Variants in PTK2 observed in about 807,000 individuals in gnomAD.
The protein encoded by PTK2 is protein tyrosine kinase 2, also known as focal adhesion kinase 1.
PTK2 carries 45 observed loss-of-function variants against 150.1 expected under a neutral mutation model. The ratio of observed to expected loss-of-function variants is 0.30; its 90% CI spans 0.24 to 0.38. The LOEUF is 0.38. Ranked by LOEUF, PTK2 falls within the 10% of genes least tolerant of loss-of-function variation. The probability of loss-of-function intolerance (pLI) is 1.00; values close to 1 mark genes in which losing one functional copy is unlikely to be tolerated. For synonymous variants in PTK2, 432 were observed against 449.2 expected (o/e 0.96, Z 0.48); for missense variants, 919 against 1,307.3 (o/e 0.70, Z 4.58).
chr8:140,771,954 ATTTTT>A (rs61154851), intron 14 of PTK2, among the ~76,000 whole-genome samples: 2 of 145,382 alleles, frequency 1.4e-5, no homozygotes, highest in African/African-American at 5.0e-5. Context: ...TAATTTTTGT[ATTTTT>A]TTTTTTTTTA....
At chr8:140,985,660 G>A (rs565386948) in intron 1 of PTK2, among the ~76,000 whole-genome samples, 7 of 151,984 alleles carry the variant, frequency 4.6e-5, no homozygotes, top group African/African-American at 9.7e-5. Flanking sequence ...TGACACCCCC[G>A]CCAGAACCCC....
intron 16 of PTK2, among the ~76,000 whole-genome samples, chr8:140,759,441 G>A (rs1231338325): frequency 4.0e-5 from 6 of 149,396 alleles, no homozygotes; most frequent in Non-Finnish European, 8.9e-5. Context: ...GGCTGAGGTG[G>A]GAGGACCACT....
intron 10 of PTK2, among the ~76,000 whole-genome samples, chr8:140,808,491 A>G (rs1012279776): frequency 1.3e-5 from 2 of 152,150 alleles, no homozygotes; most frequent in Non-Finnish European, 2.9e-5. Context: ...GAAAACATAT[A>G]TTTTCAAGGA....
chr8:140,876,971 C>T (rs2100145899), intron 4 of PTK2, among the ~76,000 whole-genome samples: 4 of 149,926 alleles, frequency 2.7e-5, no homozygotes, highest in African/African-American at 9.8e-5. Flanking sequence ...GTTTATCTGT[C>T]ACATTTTCTT....
chr8:140,983,279 C>A (rs564003879), intron 1 of PTK2, among the ~76,000 whole-genome samples: 4 of 146,706 alleles, frequency 2.7e-5, no homozygotes, highest in Non-Finnish European at 6.0e-5. Context: ...CCCAGCTACT[C>A]GGAAGGCTGA....
intron 2 of PTK2, chr8:140,909,631 G>A (rs1221635060): frequency 1.3e-5 from 2 of 152,152 alleles, no homozygotes; most frequent in Non-Finnish European, 2.9e-5. Flanking sequence ...CCTGTAAAGT[G>A]GGAGTTGAAA....
chr8:140,845,012 G>A (rs1167141984), intron 7 of PTK2, among the ~76,000 whole-genome samples: 4 of 152,128 alleles, frequency 2.6e-5, no homozygotes, highest in South Asian at 4.1e-4. Flanking sequence ...AATGTAATCA[G>A]CCTCCAGTCA....
At chr8:140,996,738 GAA>G (rs2100197920) in intron 1 of PTK2, among the ~76,000 whole-genome samples, 1 of 152,216 alleles carries the variant, frequency 6.6e-6, no homozygotes, top group South Asian at 2.1e-4. Context: ...CTACTGCTCA[GAA>G]AAAGATTCCT....
chr8:140,815,884 A>T (rs1315566659), intron 10 of PTK2, among the ~76,000 whole-genome samples: 2 of 152,146 alleles, frequency 1.3e-5, no homozygotes, highest in Non-Finnish European at 2.9e-5. Flanking sequence ...AATATTAAAG[A>T]CATGTTATTA....
intron 1 of PTK2, among the ~76,000 whole-genome samples, chr8:140,975,068 A>T (rs2100188783): frequency 3.3e-5 from 5 of 152,184 alleles, no homozygotes; most frequent in Admixed American, 3.3e-4. Flanking sequence ...TAAGTCCTTC[A>T]TTTATATGTA....
intron 26 of PTK2, among the ~76,000 whole-genome samples, chr8:140,699,345 G>A (rs1233672190): frequency 2.0e-5 from 3 of 152,106 alleles, no homozygotes; most frequent in African/African-American, 4.8e-5. Context: ...AGTGGGGAAT[G>A]GGTTCTCACA....
exon 9 of PTK2, chr8:140,818,991 T>C (rs2100106513): frequency 6.2e-7 from 1 of 1,613,306 alleles, no homozygotes; most frequent in Non-Finnish European, 8.5e-7. Flanking sequence ...GTCTAAATGT[T>C]TGTTGGATCA....
chr8:140,751,510 T>G (rs984332468), intron 17 of PTK2, among the ~76,000 whole-genome samples: 1 of 151,696 alleles, frequency 6.6e-6, no homozygotes, highest in Non-Finnish European at 1.5e-5. Flanking sequence ...TTTTTTTTTT[T>G]GAGGCAGAGA....
intron 1 of PTK2, among the ~76,000 whole-genome samples, chr8:140,954,036 C>T (rs868365263): frequency 1.3e-5 from 2 of 151,478 alleles, no homozygotes; most frequent in Non-Finnish European, 2.9e-5. Flanking sequence ...GGCACGATCT[C>T]GGCTCACTGT....
At chr8:140,926,468 G>A (rs2100169506) in intron 1 of PTK2, among the ~76,000 whole-genome samples, 1 of 152,120 alleles carries the variant, frequency 6.6e-6, no homozygotes. Flanking sequence ...GAGGACCAAT[G>A]GGACAAAGAA....
intron 10 of PTK2, among the ~76,000 whole-genome samples, chr8:140,809,529 G>C (rs1266201713): frequency 6.6e-6 from 1 of 152,218 alleles, no homozygotes; most frequent in Non-Finnish European, 1.5e-5. Flanking sequence ...ATTAGGCCAG[G>C]CACAGTGGTT....
chr8:140,724,585 A>C (rs1310074016), intron 22 of PTK2, among the ~76,000 whole-genome samples: 1 of 152,238 alleles, frequency 6.6e-6, no homozygotes, highest in Non-Finnish European at 1.5e-5. Flanking sequence ...ATATAAAATC[A>C]GTCTGGGTTT....
chr8:140,969,999 G>A (rs2100186677), intron 1 of PTK2, among the ~76,000 whole-genome samples: 1 of 152,246 alleles, frequency 6.6e-6, no homozygotes, highest in African/African-American at 2.4e-5. Flanking sequence ...GTAGGCTGAT[G>A]TGCTGGGAGA....
chr8:140,984,985 C>T (rs1180246370), intron 1 of PTK2, among the ~76,000 whole-genome samples: 1 of 152,116 alleles, frequency 6.6e-6, no homozygotes, highest in African/African-American at 2.4e-5. Context: ...CAACTGTGGA[C>T]ACATAATCAA....
Sources: gnomAD v4.1 joint callset for allele counts (sites outside exome capture counted in the v4.1 genomes callset) on GRCh38, gnomAD v4.1.1 for gene constraint, MANE v1.5 for transcripts, NCBI Gene and HGNC (gene_info 2026-07-23, HGNC 2026-07-21) for gene names.